HTR2C: variants seen among roughly 807,000 people sequenced by gnomAD.
HTR2C encodes the protein 5-hydroxytryptamine (serotonin) receptor 2C, G protein-coupled.
HTR2C carries 5 observed loss-of-function variants against 21.0 expected under a neutral mutation model. The observed-to-expected ratio is 0.24, with a 90% CI of 0.12 to 0.50. HTR2C has a LOEUF of 0.50. Ranked by LOEUF, HTR2C falls within the 20% of genes least tolerant of loss-of-function variation. The pLI, the probability that HTR2C is intolerant of heterozygous loss-of-function variation, is 0.98. For missense variants in HTR2C, 271 were observed against 371.2 expected (o/e 0.73, Z 2.22); for synonymous variants, 150 against 145.3 (o/e 1.03, Z -0.23).
At chrX:114,628,392 C>T (rs1383878132) in intron 2 of HTR2C, among the ~76,000 whole-genome samples, 1 of 98,575 alleles carries the variant, frequency 1.0e-5, no homozygotes, top group Non-Finnish European at 2.0e-5. Flanking sequence ...GCGTGCACCA[C>T]CATGCCAGGC....
intron 2 of HTR2C, among the ~76,000 whole-genome samples, chrX:114,633,947 T>TAGAGAGAGAGAGAGAG (rs59914358): frequency 9.8e-5 from 9 of 92,183 alleles, no homozygotes; most frequent in South Asian, 1.2e-3. Context: ...TATATATATA[T>TAGAGAGAGAGAGAGAG]AGAGAGAGAG....
chrX:114,726,377 C>A (rs181618025), intron 2 of HTR2C, among the ~76,000 whole-genome samples: 2 of 112,115 alleles, frequency 1.8e-5, no homozygotes, highest in Non-Finnish European at 3.8e-5. Context: ...CTTCGGCTCG[C>A]GCACGGTGCG....
intron 4 of HTR2C, among the ~76,000 whole-genome samples, chrX:114,767,598 A>G (rs1400897384): frequency 1.6e-4 from 18 of 109,479 alleles, no homozygotes; most frequent in East Asian, 5.6e-4. Context: ...ACAAAGGACA[A>G]AGCTGAATAT....
chrX:114,886,295 A>G (rs1352856583), intron 5 of HTR2C, among the ~76,000 whole-genome samples: 1 of 110,770 alleles, frequency 9.0e-6, no homozygotes, highest in Admixed American at 9.7e-5. Context: ...ATTTTATTCA[A>G]TCTTACTATC....
At chrX:114,605,435 A>G (rs1358517380) in intron 1 of HTR2C, among the ~76,000 whole-genome samples, 1 of 111,011 alleles carries the variant, frequency 9.0e-6, no homozygotes, top group Non-Finnish European at 1.9e-5. Context: ...TGGGGTTGGT[A>G]CTGAGGGGAC....
chrX:114,746,848 G>A (rs1434398604), intron 4 of HTR2C, among the ~76,000 whole-genome samples: 5 of 111,411 alleles, frequency 4.5e-5, no homozygotes, highest in African/African-American at 1.6e-4. Context: ...AGCCGGGCAT[G>A]GTGGCGGGCG....
At chrX:114,764,203 A>T (rs2069912174) in intron 4 of HTR2C, among the ~76,000 whole-genome samples, 1 of 110,782 alleles carries the variant, frequency 9.0e-6, no homozygotes. Flanking sequence ...GTTCGAGACC[A>T]GCCTGACCAA....
chrX:114,634,811 TA>T (rs1206063008), intron 2 of HTR2C, among the ~76,000 whole-genome samples: 11 of 107,904 alleles, frequency 1.0e-4, no homozygotes, highest in South Asian at 4.0e-4. Context: ...GACCCCATCT[TA>T]AAAAAAAAAT....
chrX:114,627,761 A>G (rs781916016), intron 2 of HTR2C, among the ~76,000 whole-genome samples: 392 of 112,207 alleles, frequency 3.5e-3, no homozygotes, highest in African/African-American at 0.012. Flanking sequence ...GCTGGATCAA[A>G]TAATTTTTTC....
At chrX:114,696,429 A>T (rs781984416) in intron 2 of HTR2C, among the ~76,000 whole-genome samples, 10 of 111,417 alleles carry the variant, frequency 9.0e-5, no homozygotes, top group Non-Finnish European at 1.5e-4. Flanking sequence ...GAATATGTGG[A>T]AGAACAAAGG....
At chrX:114,849,080 T>C (rs2147490002) in intron 5 of HTR2C, among the ~76,000 whole-genome samples, 1 of 112,148 alleles carries the variant, frequency 8.9e-6, no homozygotes, top group East Asian at 2.8e-4. Flanking sequence ...TCAAATACAT[T>C]TAAGTTTTAA....
At position 114,874,007 on chromosome X, in the gene HTR2C, C is replaced by A. The variant is rs2071112426; in HGVS notation, c.550+25804C>A. On this transcript the variant is annotated intron_variant, in intron 5 of 5. Transcript: ENST00000276198. ...CCCGTGAGTTACACTTTCTTAGATT[C>A]CGCAAATAAGTGAGATTATACAGTA... 2.8e-5 allele frequency among the ~76,000 whole-genome samples: 3 copies of A among 107,625 alleles called. No individual in the cohort carries two copies. The South Asian group carries it at 1.2e-3, about 43-fold the overall frequency. The allele number at this position is 107,625 out of a possible 115,157, so 93.5% of individuals were successfully genotyped here. A position where few individuals can be genotyped will look rare whatever the true frequency, so the allele number is the denominator to read the frequency against.
chrX:114,684,729 GA>G (rs1931857733), intron 2 of HTR2C, among the ~76,000 whole-genome samples: 1 of 111,088 alleles, frequency 9.0e-6, no homozygotes, highest in African/African-American at 3.3e-5. Context: ...CCAAATCTAA[GA>G]AAATGAGAAT....
In HTR2C at chrX:114,907,185, T is replaced by C. The variant is rs1379845508; in HGVS notation, c.1147T>C (p.Leu383=). The part of the protein sequence containing the change: ...KIYRRAFSNY[L]RCNYKVEKKP... The stretch of plus-strand genomic sequence containing the variant: ...TTACCGAAGGGCATTCTCCAACTAT[T>C]TGCGTTGCAATTATAAGGTAGAGAA... The change falls in exon 6 of 6, where the codon TTG becomes CTG. Residue 383 remains leucine (L), a synonymous_variant. Coordinates refer to ENST00000276198, the MANE Select transcript of HTR2C (RefSeq NM_000868.4). 1 of 1,211,230 alleles carries C rather than the reference T, an allele frequency of 8.3e-7. No homozygotes were observed. Among genetic ancestry groups the C allele is most frequent in the African/African-American group, 1.7e-5 (1 of 57,752 alleles).
intron 4 of HTR2C, among the ~76,000 whole-genome samples, chrX:114,762,794 C>T (rs2069893948): frequency 8.9e-6 from 1 of 112,134 alleles, no homozygotes; most frequent in Non-Finnish European, 1.9e-5. Flanking sequence ...ATATTACCTA[C>T]CTGGTCCCTA....
At chrX:114,585,950 T>G (rs1927373758) in intron 1 of HTR2C, among the ~76,000 whole-genome samples, 1 of 110,385 alleles carries the variant, frequency 9.1e-6, no homozygotes, top group African/African-American at 3.3e-5. Flanking sequence ...GCGCACTGAG[T>G]AACCTCTGAG....
chrX:114,644,367 ATATATATATATATATATATAT>A (rs1930272036), intron 2 of HTR2C, among the ~76,000 whole-genome samples: 6 of 48,414 alleles, frequency 1.2e-4, no homozygotes, highest in South Asian at 1.3e-3. Context: ...AAATAAATAT[ATATATATATATATATATATAT>A]ATATATATAT....
Position 114,707,799 on chromosome X carries a change from C to T in HTR2C, c.-79-19059C>T, listed in dbSNP as rs782613979. On this transcript the variant is annotated intron_variant, in intron 2 of 5. Transcript: ENST00000276198. ...CTTTCTCATTTGAATATCATGGAAA[C>T]TCTACCATTTCAGTTTTAGTCCAGT... Among the ~76,000 whole-genome samples, 5 of 110,556 alleles carry T rather than the reference C, an allele frequency of 4.5e-5. No homozygotes were observed. In the South Asian group the frequency reaches 1.5e-3, roughly 34 times the overall value.
At chrX:114,603,556 C>A (rs782099280) in intron 1 of HTR2C, among the ~76,000 whole-genome samples, 51 of 104,008 alleles carry the variant, frequency 4.9e-4, no homozygotes, top group Middle Eastern at 4.7e-3. Flanking sequence ...ATCATTCGGA[C>A]ACGATTGGCA....
Sources: gnomAD v4.1 joint callset for allele counts (sites outside exome capture counted in the v4.1 genomes callset) on GRCh38, gnomAD v4.1.1 for gene constraint, MANE v1.5 for transcripts, NCBI Gene and HGNC (gene_info 2026-07-23, HGNC 2026-07-21) for gene names.